CNOT6L: variants seen among roughly 807,000 people sequenced by gnomAD.
The protein encoded by CNOT6L is CCR4-NOT transcription complex subunit 6 like.
Under a neutral mutation model 64.0 loss-of-function variants are expected in CNOT6L, and 7 were observed. That is an observed-to-expected ratio of 0.11 (90% CI 0.06 to 0.21). CNOT6L has a LOEUF of 0.21. Ranked by LOEUF, CNOT6L falls within the 10% of genes least tolerant of loss-of-function variation. CNOT6L has a pLI of 1.00. For missense variants in CNOT6L, 245 were observed against 669.0 expected, an observed-to-expected ratio of 0.37 and a Z score of 6.99; for synonymous variants, 193 against 243.4, an observed-to-expected ratio of 0.79 and a Z score of 1.93.
intron 1 of CNOT6L, among the ~76,000 whole-genome samples, chr4:77,806,250 A>AC (rs1176624976): frequency 1.3e-5 from 2 of 152,070 alleles, no homozygotes; most frequent in African/African-American, 2.4e-5. Flanking sequence ...ACATGGAGAA[A>AC]CCCCATCTCT....
At chr4:77,742,549 G>A in intron 7 of CNOT6L, 1 of 479,434 alleles carries the variant, frequency 2.1e-6, no homozygotes, top group African/African-American at 2.0e-5. Flanking sequence ...TACATCCCAA[G>A]GTCTCTTGAT....
intron 4 of CNOT6L, among the ~76,000 whole-genome samples, chr4:77,769,185 A>G (rs1325141348): frequency 2.6e-5 from 4 of 152,210 alleles, no homozygotes; most frequent in African/African-American, 9.6e-5. Context: ...ATTCAGTAGG[A>G]TTCCATTCAT....
intron 8 of CNOT6L, among the ~76,000 whole-genome samples, chr4:77,738,753 C>CAAAAAAA (rs33932934): frequency 8.8e-6 from 1 of 114,206 alleles, no homozygotes; most frequent in African/African-American, 3.5e-5. Flanking sequence ...AACTCCGTCT[C>CAAAAAAA]AAAAAAAAAA....
At chr4:77,806,979 T>C (rs1046113217) in intron 1 of CNOT6L, among the ~76,000 whole-genome samples, 2 of 152,214 alleles carry the variant, frequency 1.3e-5, no homozygotes, top group Admixed American at 1.3e-4. Flanking sequence ...GCCCCTACTA[T>C]GTATCAAACA....
intron 5 of CNOT6L, among the ~76,000 whole-genome samples, chr4:77,751,705 A>G (rs1560588597): frequency 6.6e-6 from 1 of 152,232 alleles, no homozygotes; most frequent in Non-Finnish European, 1.5e-5. Context: ...TTCTTTTAAG[A>G]AACCATGAAA....
rs1222570989 is a variant in CNOT6L, at chr4:77,716,628, T to G, written c.*3803A>C. 6.6e-6 allele frequency: 1 copy of G among 152,556 alleles called. No homozygotes were observed. The highest frequency in any genetic ancestry group is 1.5e-5 in the Non-Finnish European group (1 of 68,012). The allele number at this position is 152,556 out of a possible 1,614,324, so 9.5% of individuals were successfully genotyped here. A position where few individuals can be genotyped will look rare whatever the true frequency, so the allele number is the denominator to read the frequency against. ...GTTCCAGTTTTAATGTGCCACATCC[T>G]CAATTCTAATATAATCTACCATAGA... On this transcript the variant is annotated 3_prime_UTR_variant, in exon 12 of 12. Transcript: ENST00000504123.
chr4:77,748,188 C>T, intron 6 of CNOT6L, 128 bp downstream of exon 6: 2 of 703,708 alleles, frequency 2.8e-6, no homozygotes, highest in Non-Finnish European at 5.0e-6. Context: ...AAAGTCTATC[C>T]ATCAGTATTT....
intron 5 of CNOT6L, among the ~76,000 whole-genome samples, chr4:77,752,411 T>C (rs1158525983): frequency 6.6e-6 from 1 of 152,114 alleles, no homozygotes; most frequent in Non-Finnish European, 1.5e-5. Flanking sequence ...AACTAACATA[T>C]AGGATACTGC....
At chr4:77,820,053 C>A (rs559818826), upstream of CNOT6L, among the ~76,000 whole-genome samples, 2 of 152,120 alleles carry the variant, frequency 1.3e-5, no homozygotes, top group Non-Finnish European at 2.9e-5. Flanking sequence ...GCTGGGGCTG[C>A]CGCCGCTGCG....
At chr4:77,724,430 G>A (rs1387066136) in intron 11 of CNOT6L, among the ~76,000 whole-genome samples, 1 of 151,938 alleles carries the variant, frequency 6.6e-6, no homozygotes, top group East Asian at 1.9e-4. Context: ...CCTGAACCCA[G>A]GAGTTTGAGA....
rs1320835830 is a variant in CNOT6L at position 77,731,264 on chromosome 4, T to C, written c.1024+123A>G. Reference sequence around the variant, plus strand: ...GTGCTATTTTCCTGCCCATCTCCCTTAACTTTCCTCAAAAGAAAATAACTT... The same window carrying C: ...GTGCTATTTTCCTGCCCATCTCCCTCAACTTTCCTCAAAAGAAAATAACTT... On this transcript the variant is annotated intron_variant, in intron 9 of 11. Transcript: ENST00000504123. 8 of 852,766 alleles carry C rather than the reference T, an allele frequency of 9.4e-6. No individual in the cohort carries two copies. The Admixed American group carries it at 1.7e-4, about 18-fold the overall frequency. 52.8% of individuals were successfully genotyped at this position (852,766 alleles called of 1,614,324 possible). A position where few individuals can be genotyped will look rare whatever the true frequency, so the allele number is the denominator to read the frequency against.
intron 4 of CNOT6L, among the ~76,000 whole-genome samples, chr4:77,762,557 C>T (rs1726359860): frequency 6.6e-6 from 1 of 151,970 alleles, no homozygotes; most frequent in Non-Finnish European, 1.5e-5. Flanking sequence ...TAACTCAAAA[C>T]AAACCATCAA....
Position 77,794,310 on chromosome 4 carries a change from A to G in CNOT6L, c.6-17918T>C, listed in dbSNP as rs551996355. Among the ~76,000 whole-genome samples, 3 of 152,176 alleles carry G rather than the reference A, an allele frequency of 2.0e-5. No homozygotes were observed. The South Asian group carries it at 6.2e-4, about 32-fold the overall frequency. ...ATAAAGTTGAGGCAAACATTACCCTAATATCAAATGAAACAAGAGTGCAAG... is the reference window on the plus strand; with the variant it reads ...ATAAAGTTGAGGCAAACATTACCCTGATATCAAATGAAACAAGAGTGCAAG... On this transcript the variant is annotated intron_variant, in intron 1 of 11. Transcript: ENST00000504123.
At chr4:77,792,230 G>C (rs1456103543) in intron 1 of CNOT6L, among the ~76,000 whole-genome samples, 1 of 151,978 alleles carries the variant, frequency 6.6e-6, no homozygotes, top group Non-Finnish European at 1.5e-5. Flanking sequence ...AAAAAGTATA[G>C]ATTTGGGTGC....
intron 1 of CNOT6L, among the ~76,000 whole-genome samples, chr4:77,805,772 G>A (rs1449047928): frequency 6.6e-6 from 1 of 152,100 alleles, no homozygotes; most frequent in African/African-American, 2.4e-5. Context: ...TGGATTCACA[G>A]CCTTCTCCAG....
chr4:77,777,382 T>G (rs1238209484), intron 1 of CNOT6L, among the ~76,000 whole-genome samples: 1 of 152,202 alleles, frequency 6.6e-6, no homozygotes, highest in Non-Finnish European at 1.5e-5. Flanking sequence ...TACTGTGCCA[T>G]CTTCCTGCTA....
At chr4:77,756,272 T>C (rs1725573055) in intron 5 of CNOT6L, among the ~76,000 whole-genome samples, 1 of 152,208 alleles carries the variant, frequency 6.6e-6, no homozygotes, top group South Asian at 2.1e-4. Flanking sequence ...GGATTACAAG[T>C]GTGAGCCACC....
At chr4:77,793,728 T>C (rs769836439) in intron 1 of CNOT6L, among the ~76,000 whole-genome samples, 2 of 152,140 alleles carry the variant, frequency 1.3e-5, no homozygotes, top group Non-Finnish European at 1.5e-5. Flanking sequence ...ACATGATTAC[T>C]ACAGAAACTG....
intron 5 of CNOT6L, among the ~76,000 whole-genome samples, 188 bp downstream of exon 5, chr4:77,756,674 T>A (rs1163980042): frequency 1.3e-5 from 2 of 152,168 alleles, no homozygotes; most frequent in East Asian, 3.8e-4. Context: ...TCCTAACATA[T>A]TGCTTGGTAA....
Sources: gnomAD v4.1 joint callset for allele counts (sites outside exome capture counted in the v4.1 genomes callset) on GRCh38, gnomAD v4.1.1 for gene constraint, MANE v1.5 for transcripts, NCBI Gene and HGNC (gene_info 2026-07-23, HGNC 2026-07-21) for gene names.